The following CHD1 variants were observed in gnomAD, a reference collection of about 807,000 sequenced individuals.
CHD1 encodes the protein ATP-dependent chromatin remodeler CHD1.
CHD1 carries 36 observed loss-of-function variants against 224.2 expected under a neutral mutation model. The ratio of observed to expected loss-of-function variants is 0.16; its 90% confidence interval spans 0.12 to 0.21. CHD1 has a LOEUF of 0.21. Ranked by LOEUF, CHD1 falls within the 10% of genes least tolerant of loss-of-function variation. CHD1 has a pLI of 1.00. For synonymous variants in CHD1, 668 were observed against 658.3 expected (o/e 1.01, Z -0.23); for missense variants, 1,378 against 1,994.8 (o/e 0.69, Z 5.89).
Position 98,859,954 on chromosome 5 carries a change from A to T in CHD1, c.4524+18T>A. The T allele has an allele frequency of 7.8e-7, 1 of 1,286,188 alleles. No homozygotes were observed. Among genetic ancestry groups the T allele is most frequent in the South Asian group, 1.4e-5 (1 of 69,946 alleles). The allele number at this position is 1,286,188 out of a possible 1,614,324, so 79.7% of individuals were successfully genotyped here. A position where few individuals can be genotyped will look rare whatever the true frequency, so the allele number is the denominator to read the frequency against. On this transcript the variant is annotated intron_variant, in intron 33 of 35. Coordinates refer to ENST00000614616, the MANE Select transcript of CHD1 (RefSeq NM_001270.4). Reference sequence around the variant, plus strand: ...TTAATTATATAAATTCAGGGAAAAAATATGATGTCAAGTTTACCTGAGACT... The same window carrying T: ...TTAATTATATAAATTCAGGGAAAAATTATGATGTCAAGTTTACCTGAGACT...
chr5:98,889,058 A>T lies in CHD1; in HGVS notation c.2343+18T>A. 1 of 1,511,466 alleles carries T rather than the reference A, an allele frequency of 6.6e-7. No homozygotes were observed. The highest frequency in any genetic ancestry group is 9.1e-7 in the Non-Finnish European group (1 of 1,100,970). 93.6% of individuals were successfully genotyped at this position (1,511,466 alleles called of 1,614,324 possible). A position where few individuals can be genotyped will look rare whatever the true frequency, so the allele number is the denominator to read the frequency against. Reference sequence around the variant, plus strand: ...TCTAGAACTTTATCACAAAGAAACAACATTTAAAAATTCTTACTTGTAAGG... The same window carrying T: ...TCTAGAACTTTATCACAAAGAAACATCATTTAAAAATTCTTACTTGTAAGG... On this transcript the variant is annotated intron_variant, in intron 16 of 35. Coordinates refer to ENST00000614616, the MANE Select transcript of CHD1 (RefSeq NM_001270.4).
intron 2 of CHD1, among the ~76,000 whole-genome samples, chr5:98,921,048 A>G (rs1004221768): frequency 6.6e-6 from 1 of 152,166 alleles, no homozygotes; most frequent in African/African-American, 2.4e-5. Flanking sequence ...TAGTTTTTTA[A>G]AAAAGAATAA....
In CHD1 at chr5:98,882,127, T is replaced by C; in HGVS notation, c.2719-4A>G. On this transcript the variant is annotated splice_region_variant and splice_polypyrimidine_tract_variant and intron_variant, in intron 19 of 35. Coordinates refer to ENST00000614616, the MANE Select transcript of CHD1 (RefSeq NM_001270.4). ...TAACTAGACGATAAATATTCACCTGTAAAAATACACATGAGGAAACAAATT... is the reference window on the plus strand; with the variant it reads ...TAACTAGACGATAAATATTCACCTGCAAAAATACACATGAGGAAACAAATT... The C allele has an allele frequency of 6.2e-7, 1 of 1,610,904 alleles. No individual in the cohort carries two copies. Among genetic ancestry groups the C allele is most frequent in the South Asian group, 1.1e-5 (1 of 90,898 alleles).
intron 1 of CHD1, among the ~76,000 whole-genome samples, 200 bp downstream of exon 1, chr5:98,928,339 T>G (rs981096450): frequency 6.6e-6 from 1 of 151,988 alleles, no homozygotes; most frequent in African/African-American, 2.4e-5. Flanking sequence ...AAGGATGCGT[T>G]CTGCGGCCCC....
intron 25 of CHD1, among the ~76,000 whole-genome samples, chr5:98,873,991 T>C (rs143315298): frequency 6.6e-6 from 1 of 152,298 alleles, no homozygotes; most frequent in East Asian, 1.9e-4. Flanking sequence ...TAATAACTGA[T>C]CAAATTTTAA....
At chr5:98,898,478 A>T (rs1391450823) in intron 9 of CHD1, 44 bp from the exon 10 acceptor site, 2 of 1,396,380 alleles carry the variant, frequency 1.4e-6, no homozygotes, top group Non-Finnish European at 1.9e-6. Flanking sequence ...ATTTTTTTTT[A>T]CATTTAATCA....
At chr5:98,890,426 T>C (rs1232554428) in intron 15 of CHD1, among the ~76,000 whole-genome samples, 1 of 152,160 alleles carries the variant, frequency 6.6e-6, no homozygotes, top group African/African-American at 2.4e-5. Context: ...TTTTTCCTTA[T>C]CCAGAAAAAA....
chr5:98,871,196 G>A (rs574855728), intron 28 of CHD1, among the ~76,000 whole-genome samples: 1 of 151,686 alleles, frequency 6.6e-6, no homozygotes, highest in South Asian at 2.1e-4. Flanking sequence ...ACTACAAGAT[G>A]TCATCCTTCT....
intron 2 of CHD1, among the ~76,000 whole-genome samples, chr5:98,911,142 AAAAAATAT>A (rs1165416670): frequency 7.4e-5 from 6 of 81,384 alleles, no homozygotes; most frequent in African/African-American, 1.8e-4. Context: ...AAAAAAAAAA[AAAAAATAT>A]ATATATATAT....
chr5:98,859,952 A>G lies in CHD1; in HGVS notation c.4524+20T>C. 1 of 1,269,542 alleles carries G rather than the reference A, an allele frequency of 7.9e-7. No homozygotes were observed. The highest frequency in any genetic ancestry group is 1.4e-5 in the South Asian group (1 of 69,246). 78.6% of individuals were successfully genotyped at this position (1,269,542 alleles called of 1,614,324 possible). A position where few individuals can be genotyped will look rare whatever the true frequency, so the allele number is the denominator to read the frequency against. ...TTTTAATTATATAAATTCAGGGAAA[A>G]AATATGATGTCAAGTTTACCTGAGA... On this transcript the variant is annotated intron_variant, in intron 33 of 35. Coordinates refer to ENST00000614616, the MANE Select transcript of CHD1 (RefSeq NM_001270.4).
intron 30 of CHD1, 91 bp from the exon 31 acceptor site, chr5:98,868,726 A>C: frequency 7.0e-5 from 85 of 1,220,126 alleles, no homozygotes; most frequent in Middle Eastern, 2.0e-4. Flanking sequence ...TTACTGTCTC[A>C]TTTTATTCTA....
At chr5:98,869,175 C>T (rs909608793) in intron 30 of CHD1, 9 of 968,548 alleles carry the variant, frequency 9.3e-6, no homozygotes, top group Admixed American at 6.2e-5. Context: ...TCCCTCTTTT[C>T]TTCTGGTTCC....
chr5:98,912,570 C>T (rs754801650), intron 2 of CHD1, among the ~76,000 whole-genome samples: 8 of 152,026 alleles, frequency 5.3e-5, no homozygotes, highest in Non-Finnish European at 1.2e-4. Flanking sequence ...ACTCAGGAGG[C>T]TGAGGCACGG....
chr5:98,893,676 G>T, intron 13 of CHD1, 70 bp from the exon 14 acceptor site: 1 of 894,070 alleles, frequency 1.1e-6, no homozygotes, highest in Non-Finnish European at 1.7e-6. Context: ...CATTTAATCT[G>T]AACTCAATTA....
chr5:98,883,861 A>ATATATATATTT (rs1561507731), intron 18 of CHD1: 1 of 33,100 alleles, frequency 3.0e-5, no homozygotes, highest in African/African-American at 1.1e-4. Flanking sequence ...ATATATATAT[A>ATATATATATTT]TTTTTTTTTT....
chr5:98,874,859 A>G (rs1012062498), intron 25 of CHD1, among the ~76,000 whole-genome samples: 4 of 152,238 alleles, frequency 2.6e-5, no homozygotes, highest in African/African-American at 4.8e-5. Flanking sequence ...ACATGTATAG[A>G]TAATTTACAG....
At chr5:98,867,931 T>C (rs1749020568) in intron 31 of CHD1, among the ~76,000 whole-genome samples, 1 of 150,742 alleles carries the variant, frequency 6.6e-6, no homozygotes, top group South Asian at 2.1e-4. Flanking sequence ...GCCTCCCGAG[T>C]AGCTGAGATT....
chr5:98,896,122 T>C, intron 12 of CHD1, 104 bp downstream of exon 12: 1 of 960,538 alleles, frequency 1.0e-6, no homozygotes, highest in Non-Finnish European at 1.6e-6. Context: ...ACCACTGCAC[T>C]CCAGCCTGGG....
At chr5:98,872,360 T>C in intron 27 of CHD1, 57 bp downstream of exon 27, 5 of 1,544,922 alleles carry the variant, frequency 3.2e-6, no homozygotes, top group Non-Finnish European at 4.4e-6. Flanking sequence ...TTCAGCACAT[T>C]CATTTTGCAA....
Sources: allele counts gnomAD v4.1 joint callset (sites outside exome capture counted in the v4.1 genomes callset), GRCh38; gene constraint gnomAD v4.1.1; transcripts MANE v1.5; gene names NCBI Gene and HGNC (gene_info 2026-07-23, HGNC 2026-07-21).